Variants in ATP8A1 observed in about 807,000 individuals in gnomAD.
ATP8A1 encodes the protein ATPase phospholipid transporting 8A1, also known as phospholipid-transporting ATPase IA.
ATP8A1 carries 90 observed loss-of-function variants against 177.7 expected under a neutral mutation model. The ratio of observed to expected loss-of-function variants is 0.51; its 90% confidence interval spans 0.43 to 0.60. The LOEUF (loss-of-function observed/expected upper bound fraction) is 0.60, where lower values mean the gene tolerates loss of function less well. ATP8A1 is among the 20% of genes least tolerant of loss of function. The pLI, the probability that ATP8A1 is intolerant of heterozygous loss-of-function variation, is 0.00. For missense variants in ATP8A1, 1,072 were observed against 1,392.8 expected, an observed-to-expected ratio of 0.77 and a Z score of 3.67; for synonymous variants, 493 against 485.9, an observed-to-expected ratio of 1.01 and a Z score of -0.19.
intron 25 of ATP8A1, among the ~76,000 whole-genome samples, chr4:42,466,158 C>A (rs61187072): frequency 1.3e-5 from 2 of 151,024 alleles, no homozygotes; most frequent in African/African-American, 2.4e-5. Context: ...AGGAAAACTA[C>A]ACAATAAATT....
intron 20 of ATP8A1, among the ~76,000 whole-genome samples, chr4:42,533,801 G>A (rs183640808): frequency 3.2e-4 from 49 of 152,298 alleles, no homozygotes; most frequent in Admixed American, 2.4e-3. Flanking sequence ...CAAAGCAGGT[G>A]CTGGTATCCA....
At position 42,494,162 on chromosome 4, in the gene ATP8A1, C is replaced by CAAAA. The variant is rs397993131; in HGVS notation, c.2152-8498_2152-8495dup. 6.4e-3 allele frequency among the ~76,000 whole-genome samples: 342 copies of CAAAA among 53,450 alleles called. 52 individuals carry two copies. Among genetic ancestry groups the CAAAA allele is most frequent in the African/African-American group, 0.013 (228 of 17,222 alleles). The allele number at this position is 53,450 out of a possible 152,430, so 35.1% of individuals were successfully genotyped here. Reference sequence around the variant, plus strand: ...GTTGCAGTGAGCCAAGATCATGCCACAAAAAAAAAAAAAAAAAAAAAAAAA... The same window carrying CAAAA: ...GTTGCAGTGAGCCAAGATCATGCCACAAAAAAAAAAAAAAAAAAAAAAAAAAAAA... On this transcript the variant is annotated intron_variant, in intron 24 of 36. Coordinates refer to ENST00000381668, the MANE Select transcript of ATP8A1 (RefSeq NM_006095.2).
Position 42,507,729 on chromosome 4 carries a change from CAAAAAAAAAAAAA to C in ATP8A1, c.1948-588_1948-576del, listed in dbSNP as rs34269384. On this transcript the variant is annotated intron_variant, in intron 22 of 36. Coordinates refer to ENST00000381668, the MANE Select transcript of ATP8A1 (RefSeq NM_006095.2). ...TGGGCAAGAGAGCGAGACTCCATCT[CAAAAAAAAAAAAA>C]AAAAAAAAAAAAAGTCAGTTAAAAA... Among the ~76,000 whole-genome samples, 4 of 8,912 alleles carry C rather than the reference CAAAAAAAAAAAAA, an allele frequency of 4.5e-4. 1 individual carries two copies. The highest frequency in any genetic ancestry group is 1.0e-3 in the Non-Finnish European group (4 of 3,920). The allele number at this position is 8,912 out of a possible 152,430, so 5.8% of individuals were successfully genotyped here. A position where few individuals can be genotyped will look rare whatever the true frequency, so the allele number is the denominator to read the frequency against.
chr4:42,585,745 G>C (rs1188830651), intron 9 of ATP8A1, among the ~76,000 whole-genome samples: 1 of 151,930 alleles, frequency 6.6e-6, no homozygotes, highest in Non-Finnish European at 1.5e-5. Context: ...AACTGGCTTG[G>C]CTTACTGGGT....
intron 1 of ATP8A1, among the ~76,000 whole-genome samples, chr4:42,649,228 C>T (rs1184668575): frequency 6.6e-6 from 1 of 152,068 alleles, no homozygotes; most frequent in Non-Finnish European, 1.5e-5. Flanking sequence ...TCTGTTCATT[C>T]AACAAAAATT....
At chr4:42,482,369 A>G (rs1467611922) in intron 25 of ATP8A1, among the ~76,000 whole-genome samples, 1 of 152,022 alleles carries the variant, frequency 6.6e-6, no homozygotes, top group Non-Finnish European at 1.5e-5. Context: ...CAGTGCTGTT[A>G]GACTGATACA....
At chr4:42,461,789 G>A (rs935821122) in intron 27 of ATP8A1, among the ~76,000 whole-genome samples, 7 of 152,182 alleles carry the variant, frequency 4.6e-5, no homozygotes, top group East Asian at 1.9e-4. Flanking sequence ...GAAAACGTGC[G>A]AAAGTTTGGA....
chr4:42,496,512 A>G (rs1179463750), intron 24 of ATP8A1, among the ~76,000 whole-genome samples: 1 of 152,202 alleles, frequency 6.6e-6, no homozygotes, highest in African/African-American at 2.4e-5. Context: ...CTCAGAATAC[A>G]CAACTGGCTT....
chr4:42,460,541 C>T (rs1190390241), intron 27 of ATP8A1, among the ~76,000 whole-genome samples: 3 of 152,008 alleles, frequency 2.0e-5, no homozygotes, highest in African/African-American at 4.8e-5. Context: ...GCAACTGCCA[C>T]CATGCCCAGC....
At chr4:42,607,622 G>C (rs1485598759) in intron 5 of ATP8A1, among the ~76,000 whole-genome samples, 1 of 126,902 alleles carries the variant, frequency 7.9e-6, no homozygotes, top group Non-Finnish European at 1.7e-5. Flanking sequence ...ATGCTATTCT[G>C]ATTCTACAGG....
At position 42,480,081 on chromosome 4, in the gene ATP8A1, C is replaced by A. The variant is rs369903044; in HGVS notation, c.2324+5415G>T. On this transcript the variant is annotated intron_variant, in intron 25 of 36. Transcript: ENST00000381668. ...GATGGTTTACCTAAAAGGAGTCACA[C>A]CTAAAACTGTAAAATGTTGAATTAC... 4.0e-5 allele frequency among the ~76,000 whole-genome samples: 6 copies of A among 149,436 alleles called. No homozygotes were observed. The East Asian group carries it at 1.2e-3, about 30-fold the overall frequency.
At chr4:42,479,259 C>T (rs6447164) in intron 25 of ATP8A1, among the ~76,000 whole-genome samples, 110,989 of 152,090 alleles carry the variant, frequency 0.73, 40,580 homozygotes, top group Middle Eastern at 0.78. Flanking sequence ...GAGAAAGCTG[C>T]ATGGCCTGCA....
At chr4:42,622,129 AT>A (rs1459330415) in intron 4 of ATP8A1, among the ~76,000 whole-genome samples, 1 of 152,004 alleles carries the variant, frequency 6.6e-6, no homozygotes, top group Non-Finnish European at 1.5e-5. Context: ...TAATCCCAGC[AT>A]TTTGGGAGGC....
chr4:42,636,171 CATA>C (rs1290911621), intron 1 of ATP8A1, among the ~76,000 whole-genome samples: 2 of 136,892 alleles, frequency 1.5e-5, no homozygotes, highest in African/African-American at 5.6e-5. Context: ...CACACACACA[CATA>C]AGCTTCTTAA....
At chr4:42,448,002 G>A (rs1311144346) in intron 30 of ATP8A1, among the ~76,000 whole-genome samples, 1 of 151,934 alleles carries the variant, frequency 6.6e-6, no homozygotes, top group East Asian at 1.9e-4. Flanking sequence ...ATTATTGAGG[G>A]TCTCAAAAAG....
In ATP8A1 at chr4:42,490,500, G is replaced by A. The variant is rs1393617710; in HGVS notation, c.2152-4832C>T. Among the ~76,000 whole-genome samples the A allele has an allele frequency of 2.0e-5, 3 of 152,140 alleles. No homozygotes were observed. In the East Asian group the frequency reaches 5.8e-4, roughly 29 times the overall value. On this transcript the variant is annotated intron_variant, in intron 24 of 36. Transcript: ENST00000381668. ...GTCCAAATTTGGCCCCTGTCACTTC[G>A]GCAAACATCGGCCTGTTTTACTGAG...
At chr4:42,455,489 C>G in intron 28 of ATP8A1, 36 bp downstream of exon 28, 1 of 1,613,412 alleles carries the variant, frequency 6.2e-7, no homozygotes, top group Non-Finnish European at 8.5e-7. Context: ...CCCAAGTATT[C>G]AATGAAACAG....
rs549871586 is a variant in ATP8A1 at position 42,451,145 on chromosome 4, C to T, written c.2896+836G>A. Among the ~76,000 whole-genome samples, 32 of 152,306 alleles carry T rather than the reference C, an allele frequency of 2.1e-4. No individual in the cohort carries two copies. In the South Asian group the frequency reaches 6.0e-3, roughly 29 times the overall value. On this transcript the variant is annotated intron_variant, in intron 30 of 36. Transcript: ENST00000381668. ...AGCACCTGGCCTGATTCATGTTCTG[C>T]AGGGATCACTCTGGCTACCTATGGA...
At chr4:42,532,808 A>G (rs1021904055) in intron 20 of ATP8A1, among the ~76,000 whole-genome samples, 5 of 152,204 alleles carry the variant, frequency 3.3e-5, no homozygotes, top group African/African-American at 1.2e-4. Context: ...AAGTGAAAAT[A>G]GCCTTAACGG....
Sources: allele counts gnomAD v4.1 joint callset (sites outside exome capture counted in the v4.1 genomes callset), GRCh38; gene constraint gnomAD v4.1.1; transcripts MANE v1.5; gene names NCBI Gene and HGNC (gene_info 2026-07-23, HGNC 2026-07-21).